Variants in ZNF618 observed in about 807,000 individuals in gnomAD.
ZNF618 encodes the protein zinc finger protein 618.
In ZNF618, 34 loss-of-function variants were observed where a neutral mutation model predicts 103.0. The ratio of observed to expected loss-of-function variants is 0.33; its 90% CI spans 0.25 to 0.44. The LOEUF is 0.44. Among genes scored for constraint, ZNF618 ranks in the 20% least tolerant of loss-of-function variants. The probability of loss-of-function intolerance (pLI) is 1.00; values close to 1 mark genes in which losing one functional copy is unlikely to be tolerated. For synonymous variants in ZNF618, 551 were observed against 542.2 expected, an observed-to-expected ratio of 1.02 and a Z score of -0.23; for missense variants, 1,059 against 1,295.4, an observed-to-expected ratio of 0.82 and a Z score of 2.80.
chr9:113,882,896 TC>T (rs1297793670), intron 1 of ZNF618, among the ~76,000 whole-genome samples: 1 of 152,038 alleles, frequency 6.6e-6, no homozygotes, highest in African/African-American at 2.4e-5. Flanking sequence ...CCAACAAATT[TC>T]CCCAGGTAGG....
Position 113,951,473 on chromosome 9 carries a change from ATG to A in ZNF618, c.34-17640_34-17639del, listed in dbSNP as rs1193622656. Among the ~76,000 whole-genome samples, 7 of 42,080 alleles carry A rather than the reference ATG, an allele frequency of 1.7e-4. 1 individual carries two copies. The highest frequency in any genetic ancestry group is 4.6e-4 in the African/African-American group (7 of 15,290). The allele number at this position is 42,080 out of a possible 152,430, so 27.6% of individuals were successfully genotyped here. Reference sequence around the variant, plus strand: ...TGTGTATATATACATATATGTGTGTATGTGTACACATATATGTGTGTATGTGT... The same window carrying A: ...TGTGTATATATACATATATGTGTGTATGTACACATATATGTGTGTATGTGT... On this transcript the variant is annotated intron_variant, in intron 1 of 14. Coordinates refer to ENST00000374126, the MANE Select transcript of ZNF618 (RefSeq NM_001318042.2).
intron 1 of ZNF618, among the ~76,000 whole-genome samples, chr9:113,922,910 A>C (rs1033452405): frequency 1.3e-5 from 2 of 152,258 alleles, no homozygotes; most frequent in Non-Finnish European, 2.9e-5. Context: ...AAATCTTAAC[A>C]ATACGGAGTC....
chr9:113,978,100 C>A (rs10759668), intron 2 of ZNF618, among the ~76,000 whole-genome samples: 83,582 of 152,032 alleles, frequency 0.55, 23,367 homozygotes, highest in Middle Eastern at 0.77. Context: ...CTAATCTTTT[C>A]TACTTGACTA....
chr9:113,899,615 C>A (rs1830340848), intron 1 of ZNF618, among the ~76,000 whole-genome samples: 3 of 152,320 alleles, frequency 2.0e-5, no homozygotes, highest in East Asian at 1.9e-4. Context: ...TCACTCCCCC[C>A]ACCTCTGTCC....
At chr9:114,030,067 T>C (rs965020038) in intron 11 of ZNF618, among the ~76,000 whole-genome samples, 1 of 152,142 alleles carries the variant, frequency 6.6e-6, no homozygotes, top group Non-Finnish European at 1.5e-5. Context: ...CTTAAATAAA[T>C]AGATGATCAA....
intron 1 of ZNF618, among the ~76,000 whole-genome samples, chr9:113,909,125 A>G (rs1281592597): frequency 6.7e-6 from 1 of 150,360 alleles, no homozygotes; most frequent in African/African-American, 2.4e-5. Context: ...GAGCAAGGAC[A>G]CTCTCTCTCT....
chr9:114,036,027 G>T (rs1221168883), intron 12 of ZNF618, among the ~76,000 whole-genome samples: 1 of 152,180 alleles, frequency 6.6e-6, no homozygotes, highest in South Asian at 2.1e-4. Flanking sequence ...CAAGTGCGCC[G>T]AACAGTGGCT....
intron 1 of ZNF618, among the ~76,000 whole-genome samples, chr9:113,896,216 T>G (rs1182884415): frequency 6.6e-6 from 1 of 152,118 alleles, no homozygotes; most frequent in African/African-American, 2.4e-5. Context: ...CCCACCGTTC[T>G]GCTTTCTTTA....
intron 1 of ZNF618, among the ~76,000 whole-genome samples, chr9:113,884,727 A>G (rs1828887728): frequency 6.6e-6 from 1 of 151,356 alleles, no homozygotes; most frequent in African/African-American, 2.4e-5. Context: ...CACGCACCCC[A>G]TGGGACATGA....
At chr9:114,044,093 G>A (rs1334198919) in intron 13 of ZNF618, among the ~76,000 whole-genome samples, 1 of 152,114 alleles carries the variant, frequency 6.6e-6, no homozygotes, top group East Asian at 1.9e-4. Flanking sequence ...ATTTGCTTTG[G>A]TGTTCTTGGT....
intron 3 of ZNF618, among the ~76,000 whole-genome samples, chr9:113,991,484 T>A (rs1203503061): frequency 2.0e-5 from 3 of 152,172 alleles, no homozygotes; most frequent in African/African-American, 7.2e-5. Flanking sequence ...GAGTATTCAA[T>A]GAGATAATGT....
At chr9:113,909,895 C>T (rs1016572109) in intron 1 of ZNF618, among the ~76,000 whole-genome samples, 7 of 151,950 alleles carry the variant, frequency 4.6e-5, no homozygotes, top group African/African-American at 1.7e-4. Flanking sequence ...AGTGATTCTT[C>T]TGCCTCAGCC....
At chr9:113,950,822 A>G (rs1353358325) in intron 1 of ZNF618, among the ~76,000 whole-genome samples, 1 of 151,836 alleles carries the variant, frequency 6.6e-6, no homozygotes, top group East Asian at 1.9e-4. Flanking sequence ...CCCTGGTGGA[A>G]GGGATGTCTA....
At chr9:113,932,702 G>T (rs747960436) in intron 1 of ZNF618, among the ~76,000 whole-genome samples, 1 of 152,132 alleles carries the variant, frequency 6.6e-6, no homozygotes, top group Non-Finnish European at 1.5e-5. Flanking sequence ...TGGCCTGAGC[G>T]CTGGGTGATT....
At chr9:113,943,654 A>G (rs1564197503) in intron 1 of ZNF618, among the ~76,000 whole-genome samples, 1 of 151,960 alleles carries the variant, frequency 6.6e-6, no homozygotes, top group African/African-American at 2.4e-5. Context: ...CCAAAATTTC[A>G]AATCATGACC....
intron 1 of ZNF618, among the ~76,000 whole-genome samples, chr9:113,891,234 T>A (rs1040042325): frequency 7.9e-5 from 12 of 152,256 alleles, no homozygotes; most frequent in African/African-American, 2.7e-4. Context: ...AGAAAATATT[T>A]GCAAATCATA....
At chr9:113,969,191 C>T in intron 2 of ZNF618, 31 bp downstream of exon 2, 1 of 1,613,802 alleles carries the variant, frequency 6.2e-7, no homozygotes, top group Non-Finnish European at 8.5e-7. Context: ...CCAGCTTGTC[C>T]ACCCATCGAC....
chr9:114,020,786 A>AT (rs1237049945), intron 10 of ZNF618, among the ~76,000 whole-genome samples: 1 of 151,458 alleles, frequency 6.6e-6, no homozygotes, highest in South Asian at 2.1e-4. Flanking sequence ...TATTCTTTTT[A>AT]TTTTTTTTCT....
At chr9:113,948,260 A>ACTGATTCCTCCCAGGCAGCC (rs1182585861) in intron 1 of ZNF618, among the ~76,000 whole-genome samples, 1 of 152,200 alleles carries the variant, frequency 6.6e-6, no homozygotes, top group African/African-American at 2.4e-5. Flanking sequence ...ACCAGGCAGA[A>ACTGATTCCTCCCAGGCAGCC]CTGATTCCTC....
Sources: gnomAD v4.1 joint callset for allele counts (sites outside exome capture counted in the v4.1 genomes callset) on GRCh38, gnomAD v4.1.1 for gene constraint, MANE v1.5 for transcripts, NCBI Gene and HGNC (gene_info 2026-07-23, HGNC 2026-07-21) for gene names.